Variants in GLI2 observed in about 807,000 individuals in gnomAD.
GLI2 encodes the protein transcription activator GLI2.
In GLI2, 22 loss-of-function variants were observed where a neutral mutation model predicts 78.9. The observed-to-expected ratio is 0.28, with a 90% CI of 0.20 to 0.40. GLI2 has a LOEUF of 0.40. Ranked by LOEUF, GLI2 falls within the 10% of genes least tolerant of loss-of-function variation. GLI2 has a pLI of 1.00. For missense variants in GLI2, 2,097 were observed against 2,213.2 expected (o/e 0.95, Z 1.05); for synonymous variants, 974 against 963.7 (o/e 1.01, Z -0.20).
In GLI2 at chr2:120,735,868, GC is replaced by G. The variant is rs1019310496; in HGVS notation, c.-447del. Reference sequence around the variant, plus strand: ...CGGGGGCGCTGCGCAGTCCGGCGGCGCTGATGGATTGCAGAAGTGCCGGCGC... The same window carrying G: ...CGGGGGCGCTGCGCAGTCCGGCGGCGTGATGGATTGCAGAAGTGCCGGCGC... On this transcript the variant is annotated 5_prime_UTR_variant, in exon 1 of 14. Coordinates refer to ENST00000361492, the MANE Select transcript of GLI2 (RefSeq NM_001374353.1). 2.0e-5 allele frequency among the ~76,000 whole-genome samples: 3 copies of G among 151,942 alleles called. No individual in the cohort carries two copies. Among genetic ancestry groups the G allele is most frequent in the African/African-American group, 7.3e-5 (3 of 41,366 alleles).
chr2:120,847,498 A>G (rs990676436), intron 2 of GLI2, among the ~76,000 whole-genome samples: 3 of 152,090 alleles, frequency 2.0e-5, no homozygotes, highest in South Asian at 2.1e-4. Flanking sequence ...ATCAGGAGGA[A>G]GAGAAGACAG....
rs181271375 is a variant in GLI2, at chr2:120,917,604, C to G, written c.149-9757C>G. ...AAAATAATTGAATTGTAGAGGAGAC[C>G]CCATCCTCTGCACTGCTGCTGCCTT... On this transcript the variant is annotated intron_variant, in intron 2 of 13. Transcript: ENST00000361492. 1.2e-4 allele frequency among the ~76,000 whole-genome samples: 18 copies of G among 152,342 alleles called. No individual in the cohort carries two copies. In the East Asian group the frequency reaches 2.1e-3, roughly 18 times the overall value.
chr2:120,977,957 A>G (rs1308223859), intron 9 of GLI2, among the ~76,000 whole-genome samples: 1 of 152,216 alleles, frequency 6.6e-6, no homozygotes, highest in Non-Finnish European at 1.5e-5. Flanking sequence ...CCTCTGAAAC[A>G]ATAGGGGCAA....
In GLI2 at chr2:120,932,970, A is replaced by T. The variant is rs181260400; in HGVS notation, c.254+5504A>T. On this transcript the variant is annotated intron_variant, in intron 3 of 13. Coordinates refer to ENST00000361492, the MANE Select transcript of GLI2 (RefSeq NM_001374353.1). ...GAATTTGGACTTCCTCCTTTTGGCAACCAGGAGCAGCGGGGAGTGGTCAGA... is the reference window on the plus strand; with the variant it reads ...GAATTTGGACTTCCTCCTTTTGGCATCCAGGAGCAGCGGGGAGTGGTCAGA... Among the ~76,000 whole-genome samples, 90 of 152,178 alleles carry T rather than the reference A, an allele frequency of 5.9e-4. 1 individual carries two copies. In the East Asian group the frequency reaches 0.015, roughly 25 times the overall value.
At chr2:120,829,908 G>A (rs1686272283) in intron 2 of GLI2, among the ~76,000 whole-genome samples, 1 of 152,218 alleles carries the variant, frequency 6.6e-6, no homozygotes, top group South Asian at 2.1e-4. Flanking sequence ...AGTCAGCACT[G>A]TGCTAGGCAT....
intron 2 of GLI2, among the ~76,000 whole-genome samples, chr2:120,893,788 C>T (rs542959626): frequency 1.4e-4 from 21 of 152,204 alleles, no homozygotes; most frequent in Admixed American, 6.5e-4. Context: ...AGCAGTTGGG[C>T]GAGGAAGCGG....
chr2:120,969,737 T>C (rs1363227442), intron 6 of GLI2, among the ~76,000 whole-genome samples: 1 of 152,172 alleles, frequency 6.6e-6, no homozygotes, highest in African/African-American at 2.4e-5. Context: ...CTCAGCAGTG[T>C]CCTTTGTTCC....
At chr2:120,821,222 C>T (rs189136824) in intron 2 of GLI2, among the ~76,000 whole-genome samples, 12 of 152,012 alleles carry the variant, frequency 7.9e-5, no homozygotes, top group Non-Finnish European at 1.8e-4. Flanking sequence ...GGTGCAGATG[C>T]GCCAGGAGGG....
chr2:120,891,785 C>T (rs1185001503), intron 2 of GLI2, among the ~76,000 whole-genome samples: 1 of 152,204 alleles, frequency 6.6e-6, no homozygotes, highest in Non-Finnish European at 1.5e-5. Flanking sequence ...CCTTTCCATG[C>T]ACCCTGACCC....
intron 1 of GLI2, among the ~76,000 whole-genome samples, chr2:120,757,295 A>G (rs150090962): frequency 2.0e-5 from 3 of 147,708 alleles, no homozygotes; most frequent in African/African-American, 7.5e-5. Flanking sequence ...ATCTTATTGG[A>G]TGTTGAATAT....
intron 11 of GLI2, among the ~76,000 whole-genome samples, chr2:120,983,947 GTGTGTGTGTGT>G (rs1682840168): frequency 4.2e-5 from 1 of 23,974 alleles, no homozygotes; most frequent in African/African-American, 9.6e-5. Context: ...GGTGTGTGGG[GTGTGTGTGTGT>G]GTGTGTGTGT....
intron 2 of GLI2, among the ~76,000 whole-genome samples, chr2:120,912,924 C>T (rs570444746): frequency 5.9e-5 from 9 of 152,236 alleles, no homozygotes; most frequent in Non-Finnish European, 1.3e-4. Context: ...ATCCCTTGGG[C>T]GGGGCACCGG....
At chr2:120,741,600 C>T (rs1324754519) in intron 1 of GLI2, among the ~76,000 whole-genome samples, 1 of 152,084 alleles carries the variant, frequency 6.6e-6, no homozygotes, top group Non-Finnish European at 1.5e-5. Flanking sequence ...ATCTTTCCCT[C>T]CCGTTCCCTC....
At chr2:120,968,683 G>T (rs757081861) in intron 5 of GLI2, 31 bp from the exon 6 acceptor site, 18 of 1,432,660 alleles carry the variant, frequency 1.3e-5, no homozygotes, top group Non-Finnish European at 1.6e-5. Context: ...CCCCAGTGAT[G>T]CTGACCTGTC....
Position 120,929,828 on chromosome 2 carries a change from C to T in GLI2, c.254+2362C>T, listed in dbSNP as rs570657181. On this transcript the variant is annotated intron_variant, in intron 3 of 13. Transcript: ENST00000361492. Reference sequence around the variant, plus strand: ...CCTCTGCTCACCTCCAGGGCCCCTCCACCTGCAGGTGGCTGAGACCACAGC... The same window carrying T: ...CCTCTGCTCACCTCCAGGGCCCCTCTACCTGCAGGTGGCTGAGACCACAGC... Among the ~76,000 whole-genome samples, 7 of 152,310 alleles carry T rather than the reference C, an allele frequency of 4.6e-5. No individual in the cohort carries two copies. The East Asian group carries it at 1.3e-3, about 29-fold the overall frequency.
intron 1 of GLI2, among the ~76,000 whole-genome samples, chr2:120,744,309 G>A (rs1682636891): frequency 6.6e-6 from 1 of 152,176 alleles, no homozygotes; most frequent in Non-Finnish European, 1.5e-5. Flanking sequence ...GTATATTTAG[G>A]GCTGGCCCTC....
At chr2:120,841,885 G>A (rs1686896683) in intron 2 of GLI2, among the ~76,000 whole-genome samples, 1 of 151,782 alleles carries the variant, frequency 6.6e-6, no homozygotes, top group South Asian at 2.1e-4. Flanking sequence ...GTGTGTGTGT[G>A]TGTGATGCTG....
At chr2:120,933,722 G>C (rs199869560) in intron 3 of GLI2, among the ~76,000 whole-genome samples, 2 of 152,154 alleles carry the variant, frequency 1.3e-5, no homozygotes, top group African/African-American at 4.8e-5. Flanking sequence ...GCATGAGTCC[G>C]GCCTGCCCTG....
chr2:120,898,177 AACAC>A (rs55794893), intron 2 of GLI2, among the ~76,000 whole-genome samples: 262 of 140,306 alleles, frequency 1.9e-3, no homozygotes, highest in East Asian at 7.9e-3. Flanking sequence ...TATAGATTAA[AACAC>A]ACACACACAC....
Sources: gnomAD v4.1 joint callset for allele counts (sites outside exome capture counted in the v4.1 genomes callset) on GRCh38, gnomAD v4.1.1 for gene constraint, MANE v1.5 for transcripts, NCBI Gene and HGNC (gene_info 2026-07-23, HGNC 2026-07-21) for gene names.